The following FAM193A variants were observed in gnomAD, a reference collection of about 807,000 sequenced individuals.
FAM193A encodes the protein protein FAM193A.
In FAM193A, 22 loss-of-function variants were observed where a neutral mutation model predicts 126.5. The observed-to-expected ratio is 0.17, with a 90% CI of 0.12 to 0.25. The LOEUF is 0.25. FAM193A is among the 10% of genes least tolerant of loss of function. The pLI is 1.00. For missense variants in FAM193A, 1,675 were observed against 1,672.8 expected (o/e 1.00, Z -0.02); for synonymous variants, 761 against 646.8 (o/e 1.18, Z -2.68).
chr4:2,617,025 G>A (rs900454414), intron 2 of FAM193A, among the ~76,000 whole-genome samples: 8 of 145,424 alleles, frequency 5.5e-5, no homozygotes, highest in African/African-American at 1.0e-4. Context: ...AACATTAGCC[G>A]GGTGTGGTGG....
intron 1 of FAM193A, among the ~76,000 whole-genome samples, chr4:2,539,268 A>G (rs571109415): frequency 3.3e-5 from 5 of 152,088 alleles, no homozygotes; most frequent in African/African-American, 9.7e-5. Flanking sequence ...GGGTCTTGCT[A>G]TGTTGCCTAG....
intron 1 of FAM193A, among the ~76,000 whole-genome samples, chr4:2,570,761 T>C (rs947054484): frequency 8.5e-5 from 13 of 152,170 alleles, no homozygotes; most frequent in Non-Finnish European, 1.8e-4. Context: ...AGATCAGGGC[T>C]AGGCTAGTTT....
chr4:2,537,326 G>T (rs1369570033), intron 1 of FAM193A, among the ~76,000 whole-genome samples, 156 bp downstream of exon 1: 1 of 152,168 alleles, frequency 6.6e-6, no homozygotes, highest in African/African-American at 2.4e-5. Context: ...GCTTGCCGAG[G>T]TCCCGGGGCA....
At chr4:2,610,800 C>T (rs545701476) in intron 2 of FAM193A, among the ~76,000 whole-genome samples, 6 of 151,990 alleles carry the variant, frequency 3.9e-5, no homozygotes, top group Non-Finnish European at 7.4e-5. Flanking sequence ...TGCAATGGCG[C>T]GATCTCGGCT....
At chr4:2,716,967 C>T (rs748349323) in intron 20 of FAM193A, among the ~76,000 whole-genome samples, 10 of 150,912 alleles carry the variant, frequency 6.6e-5, no homozygotes. Context: ...TGAGCCACCG[C>T]GCCCAGCCTA....
At chr4:2,568,972 G>GC (rs1553887565) in intron 1 of FAM193A, among the ~76,000 whole-genome samples, 2 of 68,708 alleles carry the variant, frequency 2.9e-5, no homozygotes, top group Non-Finnish European at 5.9e-5. Context: ...TTGTTGTTTT[G>GC]CTTTTTTTTT....
chr4:2,570,988 C>T (rs922769656), intron 1 of FAM193A, among the ~76,000 whole-genome samples: 3 of 152,128 alleles, frequency 2.0e-5, no homozygotes, highest in Non-Finnish European at 2.9e-5. Context: ...CACTCAGTTT[C>T]GCTTACGGAG....
intron 7 of FAM193A, among the ~76,000 whole-genome samples, chr4:2,657,227 T>C (rs1711813376): frequency 6.6e-6 from 1 of 152,190 alleles, no homozygotes; most frequent in Non-Finnish European, 1.5e-5. Context: ...CTGATTTTTT[T>C]TTAATGTTAC....
intron 1 of FAM193A, among the ~76,000 whole-genome samples, chr4:2,552,358 T>C (rs1181849583): frequency 6.6e-6 from 1 of 150,826 alleles, no homozygotes; most frequent in Non-Finnish European, 1.5e-5. Flanking sequence ...GCCATGTTGC[T>C]CACGCTGGTG....
chr4:2,574,607 C>G (rs181279560), intron 1 of FAM193A, among the ~76,000 whole-genome samples: 5 of 152,210 alleles, frequency 3.3e-5, no homozygotes, highest in Middle Eastern at 6.8e-3. Context: ...GAAGGGAGCC[C>G]TGAGGATCTC....
Position 2,700,417 on chromosome 4 carries a change from T to G in FAM193A, c.4245T>G (p.Pro1415=). ...AGGACGAAAAGTCAAACCCAACCCC[T>G]ATGGAGCCCACCTCTCCCGGTGAGC... ...HIKDEKSNPT[P]MEPTSPGEHQ... The change falls in exon 19 of 21, where the codon CCT becomes CCG. Residue 1415 remains proline (P), a synonymous_variant. Coordinates refer to ENST00000637812, the MANE Select transcript of FAM193A (RefSeq NM_001366318.2). 1 of 1,613,982 alleles carries G rather than the reference T, an allele frequency of 6.2e-7. No individual in the cohort carries two copies. Among genetic ancestry groups the G allele is most frequent in the Non-Finnish European group, 8.5e-7 (1 of 1,179,998 alleles).
At chr4:2,719,027 C>G (rs1424961577) in intron 20 of FAM193A, among the ~76,000 whole-genome samples, 2 of 152,032 alleles carry the variant, frequency 1.3e-5, no homozygotes, top group African/African-American at 4.8e-5. Flanking sequence ...CAAACTCTAC[C>G]AGTGAATTTA....
At chr4:2,624,922 A>G (rs1178493593) in intron 2 of FAM193A, among the ~76,000 whole-genome samples, 1 of 152,144 alleles carries the variant, frequency 6.6e-6, no homozygotes, top group Non-Finnish European at 1.5e-5. Context: ...GTGGGGCATG[A>G]TCACGGCTGA....
intron 1 of FAM193A, among the ~76,000 whole-genome samples, chr4:2,585,755 C>T (rs1208521313): frequency 6.6e-6 from 1 of 152,068 alleles, no homozygotes. Context: ...GGCAAAACCC[C>T]GTCTTTACTA....
intron 1 of FAM193A, among the ~76,000 whole-genome samples, chr4:2,586,342 G>T (rs2108888070): frequency 6.6e-6 from 1 of 151,924 alleles, no homozygotes; most frequent in South Asian, 2.1e-4. Flanking sequence ...TTTACCCAAG[G>T]TCATGAGGAT....
intron 20 of FAM193A, among the ~76,000 whole-genome samples, chr4:2,728,226 A>G (rs1463188335): frequency 2.8e-5 from 4 of 140,386 alleles, no homozygotes; most frequent in Non-Finnish European, 6.1e-5. Context: ...GTGAGCTGCC[A>G]CACCCGGCCC....
intron 2 of FAM193A, chr4:2,607,774 C>A (rs998570576): frequency 8.0e-6 from 4 of 499,120 alleles, no homozygotes; most frequent in Non-Finnish European, 1.4e-5. Flanking sequence ...GTCCTCGGAC[C>A]ACACTTTGAG....
chr4:2,698,719 A>G (rs186810281), intron 18 of FAM193A, among the ~76,000 whole-genome samples: 3 of 151,938 alleles, frequency 2.0e-5, no homozygotes, highest in Non-Finnish European at 4.4e-5. Flanking sequence ...AACACTGATG[A>G]CTCTCATCTG....
At chr4:2,591,743 C>A (rs760405930) in intron 1 of FAM193A, among the ~76,000 whole-genome samples, 6 of 152,064 alleles carry the variant, frequency 3.9e-5, no homozygotes, top group Non-Finnish European at 7.4e-5. Flanking sequence ...AGAATATAAG[C>A]CTAGCAAGAA....
Sources: allele counts gnomAD v4.1 joint callset (sites outside exome capture counted in the v4.1 genomes callset), GRCh38; gene constraint gnomAD v4.1.1; transcripts MANE v1.5; gene names NCBI Gene and HGNC (gene_info 2026-07-23, HGNC 2026-07-21).